The following CCSER1 variants were observed in gnomAD, a reference collection of about 807,000 sequenced individuals.
The protein encoded by CCSER1 is coiled-coil serine rich protein 1.
In CCSER1, 41 loss-of-function variants were observed where a neutral mutation model predicts 82.0. The observed-to-expected ratio is 0.50, with a 90% CI of 0.39 to 0.65. The LOEUF (loss-of-function observed/expected upper bound fraction) is 0.65, where lower values mean the gene tolerates loss of function less well. CCSER1 is among the 30% of genes least tolerant of loss of function. The probability of loss-of-function intolerance (pLI) is 0.00; values close to 1 mark genes in which losing one functional copy is unlikely to be tolerated. For synonymous variants in CCSER1, 414 were observed against 383.9 expected (o/e 1.08, Z -0.92); for missense variants, 1,119 against 1,064.2 (o/e 1.05, Z -0.72).
At chr4:91,586,826 T>G (rs913624684) in intron 10 of CCSER1, among the ~76,000 whole-genome samples, 1 of 151,784 alleles carries the variant, frequency 6.6e-6, no homozygotes, top group Non-Finnish European at 1.5e-5. Context: ...GCTCTTTTGA[T>G]TTTTATTTAT....
At chr4:90,921,783 G>T (rs1158110170) in intron 8 of CCSER1, among the ~76,000 whole-genome samples, 1 of 151,916 alleles carries the variant, frequency 6.6e-6, no homozygotes, top group Non-Finnish European at 1.5e-5. Flanking sequence ...TATAATTACC[G>T]ATTTGCAACA....
At chr4:90,629,361 C>A (rs2148920994) in intron 6 of CCSER1, among the ~76,000 whole-genome samples, 1 of 152,290 alleles carries the variant, frequency 6.6e-6, no homozygotes, top group East Asian at 1.9e-4. Context: ...TTAGTTGACT[C>A]ACAGTTCCAT....
At chr4:91,511,895 A>G (rs2110117284) in intron 10 of CCSER1, among the ~76,000 whole-genome samples, 1 of 152,312 alleles carries the variant, frequency 6.6e-6, no homozygotes, top group East Asian at 1.9e-4. Flanking sequence ...CGCTTGAATC[A>G]TCCCAAAACT....
At chr4:91,100,459 T>A (rs1314501158) in intron 10 of CCSER1, among the ~76,000 whole-genome samples, 1 of 152,116 alleles carries the variant, frequency 6.6e-6, no homozygotes, top group Non-Finnish European at 1.5e-5. Flanking sequence ...TATTCAGAGA[T>A]TTTACTGTCT....
At position 91,276,171 on chromosome 4, in the gene CCSER1, A is replaced by AT. The variant is rs201843641; in HGVS notation, c.2217+190186dup. Reference sequence around the variant, plus strand: ...TTTTTGGTTCCATACACATTTTAGGATTTTTTTTTCTATTTCTGTGAAAAA... The same window carrying AT: ...TTTTTGGTTCCATACACATTTTAGGATTTTTTTTTTCTATTTCTGTGAAAAA... On this transcript the variant is annotated intron_variant, in intron 10 of 10. Transcript: ENST00000509176. Among the ~76,000 whole-genome samples, 879 of 148,128 alleles carry AT rather than the reference A, an allele frequency of 5.9e-3. 4 individuals carry two copies. Among genetic ancestry groups the AT allele is most frequent in the African/African-American group, 0.02 (813 of 40,200 alleles).
chr4:90,933,010 A>G lies in CCSER1; in HGVS notation c.2172+9563A>G, dbSNP rs1221484805. Among the ~76,000 whole-genome samples, 5 of 82,856 alleles carry G rather than the reference A, an allele frequency of 6.0e-5. 1 individual carries two copies. Among genetic ancestry groups the G allele is most frequent in the East Asian group, 3.1e-4 (1 of 3,220 alleles). 54.4% of individuals were successfully genotyped at this position (82,856 alleles called of 152,430 possible). ...AAAGAAAGAAAGAAAGAAAGAAAGAAAGAAAGAAAGAAAGAAAGAAAGAAA... is the reference window on the plus strand; with the variant it reads ...AAAGAAAGAAAGAAAGAAAGAAAGAGAGAAAGAAAGAAAGAAAGAAAGAAA... On this transcript the variant is annotated intron_variant, in intron 9 of 10. Coordinates refer to ENST00000509176, the MANE Select transcript of CCSER1 (RefSeq NM_001145065.2).
intron 8 of CCSER1, among the ~76,000 whole-genome samples, chr4:90,822,476 C>T (rs1759868256): frequency 6.6e-6 from 1 of 152,142 alleles, no homozygotes; most frequent in Non-Finnish European, 1.5e-5. Flanking sequence ...CGCCTGTAAT[C>T]CCAGCACGTT....
intron 9 of CCSER1, among the ~76,000 whole-genome samples, chr4:90,924,464 C>T (rs1029198859): frequency 2.0e-5 from 3 of 151,682 alleles, no homozygotes; most frequent in East Asian, 1.9e-4. Context: ...TAATTAAAAA[C>T]AACACTAAAA....
chr4:91,321,448 G>T (rs772923465), intron 10 of CCSER1, among the ~76,000 whole-genome samples: 23 of 151,952 alleles, frequency 1.5e-4, no homozygotes, highest in Non-Finnish European at 2.6e-4. Context: ...ATTCCAAAAA[G>T]GTGCCGATTG....
chr4:91,385,980 A>G (rs1337359443), intron 10 of CCSER1, among the ~76,000 whole-genome samples: 2 of 151,978 alleles, frequency 1.3e-5, no homozygotes, highest in Non-Finnish European at 2.9e-5. Flanking sequence ...ACACACATAC[A>G]TATATATGTA....
At position 90,462,843 on chromosome 4, in the gene CCSER1, A is replaced by G. The variant is rs545007971; in HGVS notation, c.1604-5391A>G. Reference sequence around the variant, plus strand: ...CACTTTACATGCATTAATTCATTTAATCATCACCACAACCCAAGTGCAAGA... The same window carrying G: ...CACTTTACATGCATTAATTCATTTAGTCATCACCACAACCCAAGTGCAAGA... On this transcript the variant is annotated intron_variant, in intron 4 of 10. Transcript: ENST00000509176. 7.2e-5 allele frequency among the ~76,000 whole-genome samples: 11 copies of G among 152,334 alleles called. No homozygotes were observed. In the South Asian group the frequency reaches 2.3e-3, roughly 32 times the overall value.
intron 1 of CCSER1, among the ~76,000 whole-genome samples, chr4:90,158,993 C>T (rs1022693666): frequency 2.0e-5 from 3 of 152,074 alleles, no homozygotes; most frequent in East Asian, 1.9e-4. Flanking sequence ...AGCTGTAGAC[C>T]GGCGCTGTTC....
chr4:91,061,986 C>T (rs1391039398), intron 9 of CCSER1, among the ~76,000 whole-genome samples: 1 of 151,906 alleles, frequency 6.6e-6, no homozygotes, highest in Non-Finnish European at 1.5e-5. Context: ...AATATTTAAG[C>T]TATTATCCTT....
At chr4:91,553,209 GC>G (rs1762242977) in intron 10 of CCSER1, among the ~76,000 whole-genome samples, 1 of 151,312 alleles carries the variant, frequency 6.6e-6, no homozygotes, top group Admixed American at 6.6e-5. Flanking sequence ...TTTTTGACTT[GC>G]AGATGTTGAA....
intron 8 of CCSER1, among the ~76,000 whole-genome samples, chr4:90,905,177 C>T (rs17249857): frequency 0.45 from 68,719 of 151,844 alleles, 16,786 homozygotes; most frequent in African/African-American, 0.65. Context: ...TTCCTTTCTC[C>T]GATATCATCC....
chr4:90,805,431 T>C (rs1327531056), intron 7 of CCSER1, among the ~76,000 whole-genome samples: 1 of 152,228 alleles, frequency 6.6e-6, no homozygotes, highest in South Asian at 2.1e-4. Context: ...TACTGGGTTC[T>C]TTCTGCAAAG....
At chr4:90,653,149 T>C (rs1729092623) in intron 6 of CCSER1, among the ~76,000 whole-genome samples, 1 of 152,172 alleles carries the variant, frequency 6.6e-6, no homozygotes, top group African/African-American at 2.4e-5. Context: ...AAAACTTGCT[T>C]TGAATTTCCA....
chr4:90,141,452 T>C (rs918206907), intron 1 of CCSER1, among the ~76,000 whole-genome samples: 1 of 152,374 alleles, frequency 6.6e-6, no homozygotes, highest in East Asian at 1.9e-4. Context: ...CATAATATGT[T>C]AGTGTATACA....
At chr4:91,196,640 A>C (rs891885386) in intron 10 of CCSER1, among the ~76,000 whole-genome samples, 2 of 152,190 alleles carry the variant, frequency 1.3e-5, no homozygotes, top group African/African-American at 2.4e-5. Flanking sequence ...TAAGTATATA[A>C]ATTTGATAAA....
Sources: gnomAD v4.1 joint callset for allele counts (sites outside exome capture counted in the v4.1 genomes callset) on GRCh38, gnomAD v4.1.1 for gene constraint, MANE v1.5 for transcripts, NCBI Gene and HGNC (gene_info 2026-07-23, HGNC 2026-07-21) for gene names.